The following LRIF1 variants were observed in gnomAD, a reference collection of about 807,000 sequenced individuals.
LRIF1 encodes the protein ligand-dependent nuclear receptor-interacting factor 1.
Under a neutral mutation model 52.7 loss-of-function variants are expected in LRIF1, and 32 were observed. That is an observed-to-expected ratio of 0.61 (90% CI 0.46 to 0.82). The LOEUF is 0.82. LRIF1 is among the 40% of genes least tolerant of loss of function. The pLI, the probability that LRIF1 is intolerant of heterozygous loss-of-function variation, is 0.00. For synonymous variants in LRIF1, 323 were observed against 317.4 expected, an observed-to-expected ratio of 1.02 and a Z score of -0.19; for missense variants, 887 against 892.0, an observed-to-expected ratio of 0.99 and a Z score of 0.07.
chr1:110,937,002 A>G, the LRIF1 span: 4 of 152,180 alleles, frequency 2.6e-5, no homozygotes, highest in Non-Finnish European at 2.9e-5. Flanking sequence ...AGGTCATTCT[A>G]TAATGATAAA....
chr1:110,916,652 T>C, the LRIF1 span, among the ~76,000 whole-genome samples: 1 of 152,124 alleles, frequency 6.6e-6, no homozygotes, highest in African/African-American at 2.4e-5. Flanking sequence ...AAACTGTCTG[T>C]TTAAAAAATA....
the LRIF1 span, chr1:110,896,564 C>T: frequency 8.1e-7 from 1 of 1,230,198 alleles, no homozygotes; most frequent in African/African-American, 1.5e-5. Context: ...AGAGTCAGAT[C>T]TGAAGGGCAC....
At chr1:110,886,846 A>AATATAT in the LRIF1 span, among the ~76,000 whole-genome samples, 9 of 101,012 alleles carry the variant, frequency 8.9e-5, no homozygotes, top group East Asian at 2.7e-4. Flanking sequence ...CTCTGTCTCC[A>AATATAT]ATATATATAT....
At chr1:110,949,653 C>G (rs184804057) in intron 3 of LRIF1, among the ~76,000 whole-genome samples, 198 bp downstream of exon 3, 175 of 152,052 alleles carry the variant, frequency 1.2e-3, no homozygotes, top group African/African-American at 4.0e-3. Context: ...TTCCTGACCT[C>G]AGGTGATCCA....
chr1:110,926,846 A>G, the LRIF1 span, among the ~76,000 whole-genome samples: 14 of 152,308 alleles, frequency 9.2e-5, no homozygotes, highest in South Asian at 2.1e-4. Context: ...TAAATAGGGT[A>G]TCTGCGAAGA....
downstream of LRIF1, chr1:110,944,328 G>A (rs557133963): frequency 1.3e-5 from 2 of 152,168 alleles, no homozygotes; most frequent in Admixed American, 1.3e-4. Context: ...GCTAGTTTGA[G>A]GGAAGAGCAA....
chr1:110,944,279 C>A (rs74120607), downstream of LRIF1: 1 of 152,102 alleles, frequency 6.6e-6, no homozygotes, highest in African/African-American at 2.4e-5. Flanking sequence ...TGGTAGGATG[C>A]GGTTGTCATC....
At chr1:110,883,986 G>T in the LRIF1 span, among the ~76,000 whole-genome samples, 1 of 151,784 alleles carries the variant, frequency 6.6e-6, no homozygotes, top group Admixed American at 6.6e-5. Context: ...CTTTTGTGGG[G>T]TTTTTAAAAT....
the LRIF1 span, among the ~76,000 whole-genome samples, chr1:110,884,285 C>T: frequency 1.3e-5 from 2 of 152,144 alleles, no homozygotes; most frequent in Non-Finnish European, 2.9e-5. Context: ...TAGAAATATG[C>T]TATTTAGTTT....
chr1:110,886,832 G>A, the LRIF1 span, among the ~76,000 whole-genome samples: 1 of 131,886 alleles, frequency 7.6e-6, no homozygotes, highest in African/African-American at 2.6e-5. Flanking sequence ...GCAACAGAGC[G>A]AGACTCTGTC....
the LRIF1 span, among the ~76,000 whole-genome samples, chr1:110,924,758 A>G: frequency 0.092 from 14,004 of 152,266 alleles, 739 homozygotes; most frequent in African/African-American, 0.15. Context: ...ACATTATGAT[A>G]AAGAAAAATT....
intron 3 of LRIF1, among the ~76,000 whole-genome samples, chr1:110,949,601 G>A (rs1294146525): frequency 1.3e-5 from 2 of 151,518 alleles, no homozygotes; most frequent in East Asian, 3.9e-4. Context: ...TGTATTTTTA[G>A]TAGAGACGGG....
At chr1:110,906,094 C>T in the LRIF1 span, among the ~76,000 whole-genome samples, 2 of 150,932 alleles carry the variant, frequency 1.3e-5, no homozygotes, top group Admixed American at 6.6e-5. Flanking sequence ...TAAAGGAAGA[C>T]AAGAAAGAAA....
At chr1:110,963,383 T>C (rs910302635) in intron 1 of LRIF1, 3 of 329,132 alleles carry the variant, frequency 9.1e-6, no homozygotes, top group Middle Eastern at 8.6e-4. Context: ...CTATTAAACT[T>C]GAGACGCTGG....
the LRIF1 span, among the ~76,000 whole-genome samples, chr1:110,916,486 C>T: frequency 6.6e-6 from 1 of 151,682 alleles, no homozygotes; most frequent in African/African-American, 2.4e-5. Context: ...AAACCTAATT[C>T]GGTCAAAGTA....
chr1:110,918,777 T>TC, the LRIF1 span, among the ~76,000 whole-genome samples: 4 of 152,046 alleles, frequency 2.6e-5, no homozygotes, highest in Non-Finnish European at 5.9e-5. Context: ...AGGAAGAACT[T>TC]CCCCAGGCAA....
At chr1:110,912,830 T>A in the LRIF1 span, among the ~76,000 whole-genome samples, 2 of 152,186 alleles carry the variant, frequency 1.3e-5, no homozygotes, top group African/African-American at 4.8e-5. Context: ...AAAATACTAT[T>A]CTAAAATTCA....
At chr1:110,894,808 C>T in the LRIF1 span, 1 of 644,838 alleles carries the variant, frequency 1.6e-6, no homozygotes, top group South Asian at 1.8e-5. Context: ...CCTGTATGCC[C>T]ATAGATAAAC....
At chr1:110,931,707 G>A in the LRIF1 span, among the ~76,000 whole-genome samples, 1 of 152,100 alleles carries the variant, frequency 6.6e-6, no homozygotes, top group Non-Finnish European at 1.5e-5. Flanking sequence ...TCTCATTGTG[G>A]TTTTGATTTG....
Sources: allele counts gnomAD v4.1 joint callset (sites outside exome capture counted in the v4.1 genomes callset), GRCh38; gene constraint gnomAD v4.1.1; transcripts MANE v1.5; gene names NCBI Gene and HGNC (gene_info 2026-07-23, HGNC 2026-07-21).